DIP2B: variants seen among roughly 807,000 people sequenced by gnomAD.
DIP2B encodes the protein disco-interacting protein 2 homolog B.
DIP2B carries 76 observed loss-of-function variants against 198.0 expected under a neutral mutation model. The ratio of observed to expected loss-of-function variants is 0.38; its 90% CI spans 0.32 to 0.46. The LOEUF is 0.46. Ranked by LOEUF, DIP2B falls within the 20% of genes least tolerant of loss-of-function variation. The probability of loss-of-function intolerance (pLI) is 0.99; values close to 1 mark genes in which losing one functional copy is unlikely to be tolerated. For missense variants in DIP2B, 1,559 were observed against 1,978.4 expected (o/e 0.79, Z 4.02); for synonymous variants, 701 against 739.1 (o/e 0.95, Z 0.84).
chr12:50,647,569 G>A (rs1938372126), intron 3 of DIP2B, among the ~76,000 whole-genome samples: 1 of 152,200 alleles, frequency 6.6e-6, no homozygotes, highest in African/African-American at 2.4e-5. Flanking sequence ...CAAGAGGTCA[G>A]TACCTTAGAA....
intron 3 of DIP2B, chr12:50,654,980 A>G: frequency 2.2e-6 from 1 of 447,724 alleles, no homozygotes; most frequent in African/African-American, 2.0e-5. Context: ...AGATGTGACA[A>G]AATTTAACAC....
intron 1 of DIP2B, among the ~76,000 whole-genome samples, chr12:50,522,861 A>G (rs1005521274): frequency 6.6e-6 from 1 of 152,206 alleles, no homozygotes; most frequent in African/African-American, 2.4e-5. Flanking sequence ...TGTGGTGGAT[A>G]GGTGGTAAGT....
intron 2 of DIP2B, among the ~76,000 whole-genome samples, chr12:50,629,447 A>T (rs1376197820): frequency 6.6e-6 from 1 of 152,028 alleles, no homozygotes; most frequent in Non-Finnish European, 1.5e-5. Context: ...CATTTTTGTT[A>T]ATTTCCCAGG....
chr12:50,714,442 G>A lies in DIP2B; in HGVS notation c.2697G>A (p.Val899=). The part of the protein sequence containing the change: ...HQVGVYCLAL[V]PANTLPKTPL... ...TGGGGGTTTATTGTCTTGCTCTGGT[G>A]CCAGCCAATACATTGCCAAAAACTC... is the stretch of plus-strand genomic sequence containing the variant. The change falls in exon 23 of 38, where the codon GTG becomes GTA. Residue 899 remains valine, a synonymous_variant. Coordinates refer to ENST00000301180, the MANE Select transcript of DIP2B (RefSeq NM_173602.3). 1.2e-6 allele frequency: 2 copies of A among 1,614,134 alleles called. No individual in the cohort carries two copies. The highest frequency in any genetic ancestry group is 8.5e-7 in the Non-Finnish European group (1 of 1,180,026).
chr12:50,662,651 C>T (rs1311440586), intron 4 of DIP2B, among the ~76,000 whole-genome samples: 2 of 152,084 alleles, frequency 1.3e-5, no homozygotes, highest in African/African-American at 4.8e-5. Flanking sequence ...CCTAACCCAG[C>T]GATGTGGAAT....
chr12:50,510,372 C>A (rs1342864114), intron 1 of DIP2B, among the ~76,000 whole-genome samples: 1 of 152,204 alleles, frequency 6.6e-6, no homozygotes, highest in Non-Finnish European at 1.5e-5. Context: ...TGGCATTGAG[C>A]TGGATTTTTG....
intron 1 of DIP2B, among the ~76,000 whole-genome samples, chr12:50,586,563 TAAAAC>T (rs1565834248): frequency 6.6e-6 from 1 of 152,236 alleles, no homozygotes; most frequent in African/African-American, 2.4e-5. Flanking sequence ...TGATTTTACG[TAAAAC>T]AAACAAACAA....
At chr12:50,549,159 G>C (rs1335700473) in intron 1 of DIP2B, among the ~76,000 whole-genome samples, 1 of 151,270 alleles carries the variant, frequency 6.6e-6, no homozygotes. Flanking sequence ...GGACGAAAGT[G>C]GGGGCTGGTT....
chr12:50,684,818 G>A (rs971928081), intron 10 of DIP2B, among the ~76,000 whole-genome samples: 14 of 151,092 alleles, frequency 9.3e-5, no homozygotes, highest in Middle Eastern at 3.5e-3. Flanking sequence ...CAGCCGGGCC[G>A]CAGTGGCTTA....
chr12:50,640,602 C>A, intron 2 of DIP2B, 122 bp from the exon 3 acceptor site: 1 of 1,013,760 alleles, frequency 9.9e-7, no homozygotes, highest in Non-Finnish European at 1.4e-6. Context: ...GAAACTCTAA[C>A]CCTTTACTGT....
chr12:50,552,931 G>A (rs1456523229), intron 1 of DIP2B, among the ~76,000 whole-genome samples: 1 of 151,936 alleles, frequency 6.6e-6, no homozygotes, highest in Non-Finnish European at 1.5e-5. Context: ...TGCCTCCCAG[G>A]TTCAAGCCAT....
At chr12:50,643,375 A>G (rs1025555793) in intron 3 of DIP2B, among the ~76,000 whole-genome samples, 9 of 142,902 alleles carry the variant, frequency 6.3e-5, no homozygotes, top group Non-Finnish European at 1.4e-4. Flanking sequence ...AGTTTGTAAC[A>G]ATTGTATGTT....
chr12:50,669,521 TA>T (rs1384020613), intron 4 of DIP2B, among the ~76,000 whole-genome samples: 19 of 152,154 alleles, frequency 1.2e-4, no homozygotes, highest in Non-Finnish European at 2.2e-4. Context: ...CTCCCGGTCT[TA>T]AGTGATTCTT....
chr12:50,655,111 T>C, intron 3 of DIP2B: 1 of 411,740 alleles, frequency 2.4e-6, no homozygotes, highest in South Asian at 1.7e-5. Context: ...CTGTAAAATA[T>C]TAGAAACATC....
intron 14 of DIP2B, among the ~76,000 whole-genome samples, chr12:50,694,650 G>A (rs1753824841): frequency 1.0e-5 from 1 of 98,014 alleles, no homozygotes; most frequent in Admixed American, 1.5e-4. Flanking sequence ...TGAAACCCCT[G>A]TCTCTTTTTT....
At chr12:50,635,316 CT>C (rs1938138873) in intron 2 of DIP2B, among the ~76,000 whole-genome samples, 4 of 152,180 alleles carry the variant, frequency 2.6e-5, no homozygotes, top group African/African-American at 4.8e-5. Context: ...TTCACATTTT[CT>C]TTCTTGACCT....
At chr12:50,577,907 C>T (rs778405852) in intron 1 of DIP2B, among the ~76,000 whole-genome samples, 1 of 152,108 alleles carries the variant, frequency 6.6e-6, no homozygotes, top group Non-Finnish European at 1.5e-5. Context: ...GATACTGCAT[C>T]AAAAGTCCAC....
At chr12:50,708,140 G>A (rs899583402) in intron 21 of DIP2B, among the ~76,000 whole-genome samples, 9 of 151,268 alleles carry the variant, frequency 5.9e-5, no homozygotes, top group Admixed American at 1.3e-4. Flanking sequence ...TCCACCCCCT[G>A]TATATTGCAA....
intron 2 of DIP2B, among the ~76,000 whole-genome samples, chr12:50,627,096 GA>G (rs1023403235): frequency 4.6e-5 from 7 of 152,206 alleles, no homozygotes; most frequent in African/African-American, 1.7e-4. Context: ...GACAGCTAGT[GA>G]AAAGCCAGCT....
Sources: allele counts gnomAD v4.1 joint callset (sites outside exome capture counted in the v4.1 genomes callset), GRCh38; gene constraint gnomAD v4.1.1; transcripts MANE v1.5; gene names NCBI Gene and HGNC (gene_info 2026-07-23, HGNC 2026-07-21).